CERS4: variants seen among roughly 807,000 people sequenced by gnomAD.
CERS4 encodes ceramide synthase 4.
A neutral mutation model predicts 51.8 loss-of-function variants in CERS4; 65 were observed. The observed-to-expected ratio is 1.26, with a 90% confidence interval of 1.03 to 1.54. The LOEUF (loss-of-function observed/expected upper bound fraction) is 1.54, where lower values mean the gene tolerates loss of function less well. Among genes scored for constraint, CERS4 ranks in the 40% most tolerant of loss-of-function variants. CERS4 has a pLI of 0.00. For synonymous variants in CERS4, 228 were observed against 208.4 expected, an observed-to-expected ratio of 1.09 and a Z score of -0.81; for missense variants, 563 against 500.4, an observed-to-expected ratio of 1.13 and a Z score of -1.19.
Position 8,210,155 on chromosome 19 carries a change from C to CT in CERS4, c.-158-551_-158-550insT, listed in dbSNP as rs1247674398. Among the ~76,000 whole-genome samples the CT allele has an allele frequency of 7.2e-5, 11 of 152,006 alleles. No individual in the cohort carries two copies. Among genetic ancestry groups the CT allele is most frequent in the Non-Finnish European group, 1.2e-4 (8 of 67,992 alleles). ...GCGAGGAGAGTGTGGAACCCGTTCTCGGGGCGGTGGGGACCAGGGAGGCTT... is the reference window on the plus strand; with the variant it reads ...GCGAGGAGAGTGTGGAACCCGTTCTCTGGGGCGGTGGGGACCAGGGAGGCTT... On this transcript the variant is annotated intron_variant, in intron 1 of 11. Coordinates refer to ENST00000251363, the MANE Select transcript of CERS4 (RefSeq NM_024552.3). This position sits in a 1 kb window ranked among gnomAD's most constrained non-coding sequence, Gnocchi z 4.2.
rs1668904235 is a variant in CERS4, at chr19:8,256,722, T to G, written c.612+12T>G. 1 of 1,610,534 alleles carries G rather than the reference T, an allele frequency of 6.2e-7. No individual in the cohort carries two copies. Among genetic ancestry groups the G allele is most frequent in the African/African-American group, 1.3e-5 (1 of 74,930 alleles). Reference sequence around the variant, plus strand: ...ATGTCAAGCGCAAGGTGAGGCCAAATAAGAGTCTGGAAGACCCAGTCTCTG... The same window carrying G: ...ATGTCAAGCGCAAGGTGAGGCCAAAGAAGAGTCTGGAAGACCCAGTCTCTG... On this transcript the variant is annotated intron_variant, in intron 8 of 11. Transcript: ENST00000251363.
intron 2 of CERS4, among the ~76,000 whole-genome samples, chr19:8,233,625 T>C (rs1968111460): frequency 6.6e-6 from 1 of 152,144 alleles, no homozygotes; most frequent in Non-Finnish European, 1.5e-5. Context: ...TACTTTGCTT[T>C]TATTTTTTTT....
intron 2 of CERS4, among the ~76,000 whole-genome samples, chr19:8,215,405 G>C (rs78370138): frequency 0.05 from 7,639 of 151,912 alleles, 257 homozygotes; most frequent in East Asian, 0.16. Context: ...CTTGAACCAG[G>C]GGGGCGGAGG....
intron 2 of CERS4, among the ~76,000 whole-genome samples, chr19:8,232,577 C>A (rs928894517): frequency 7.9e-5 from 12 of 152,094 alleles, no homozygotes; most frequent in African/African-American, 2.9e-4. Flanking sequence ...TAGGCATGAG[C>A]CACTGTGCCC....
At position 8,254,480 on chromosome 19, in the gene CERS4, C is replaced by T. The variant is rs1472584016; in HGVS notation, c.174-19C>T. The T allele has an allele frequency of 1.9e-6, 3 of 1,611,324 alleles. No individual in the cohort carries two copies. The highest frequency in any genetic ancestry group is 1.1e-5 in the South Asian group (1 of 91,042). The stretch of plus-strand genomic sequence containing the variant: ...ATCTCTTCACCTGGGCTGATAGGCT[C>T]TGTCTCCTTTGCACCCAGATTCATT... On this transcript the variant is annotated intron_variant, in intron 3 of 11. Transcript: ENST00000251363.
chr19:8,228,370 T>TA (rs1040234010), intron 2 of CERS4, among the ~76,000 whole-genome samples: 14 of 152,106 alleles, frequency 9.2e-5, no homozygotes, highest in African/African-American at 3.1e-4. Flanking sequence ...TTACCACAAT[T>TA]AAAAAAAATT....
rs71786313 is a variant in CERS4, at chr19:8,255,772, T to TGGGGC, written c.411-41_411-37dup. The TGGGGC allele has an allele frequency of 1.0e-5, 13 of 1,259,658 alleles. No individual in the cohort carries two copies. The South Asian group carries it at 1.4e-4, about 13-fold the overall frequency. The allele number at this position is 1,259,658 out of a possible 1,614,324, so 78.0% of individuals were successfully genotyped here. On this transcript the variant is annotated intron_variant, in intron 5 of 11. Coordinates refer to ENST00000251363, the MANE Select transcript of CERS4 (RefSeq NM_024552.3). ...TGGGGTGCAGGGAAGCGGGCCGGGG[T>TGGGGC]GGGGCGGGGCGGGTGTCTGCTATTT...
In CERS4 at chr19:8,255,845, C is replaced by T. The variant is rs774795924; in HGVS notation, c.434C>T (p.Ser145Phe). 17 of 1,613,944 alleles carry T rather than the reference C, an allele frequency of 1.1e-5. No homozygotes were observed. Among genetic ancestry groups the T allele is most frequent in the Non-Finnish European group, 1.4e-5 (16 of 1,180,024 alleles). Residue 145 changes from serine to phenylalanine, a missense_variant, in exon 6 of 12, where the codon TCC (serine) becomes TTC (phenylalanine). Coordinates refer to ENST00000251363, the MANE Select transcript of CERS4 (RefSeq NM_024552.3). ...EASWRFLFYLSSFVGGLSVLY... is the reference protein window; with the variant it reads ...EASWRFLFYLFSFVGGLSVLY... ...AGCTGGAGGTTTCTCTTCTACCTGT[C>T]CTCCTTCGTGGGCGGCCTCTCGGTC...
chr19:8,231,781 TG>T (rs1316860199), intron 2 of CERS4, among the ~76,000 whole-genome samples: 1 of 151,544 alleles, frequency 6.6e-6, no homozygotes, highest in Non-Finnish European at 1.5e-5. Context: ...CTCGATTTCC[TG>T]ACCTCGTGAT....
At chr19:8,232,437 C>T (rs543149855) in intron 2 of CERS4, among the ~76,000 whole-genome samples, 19 of 151,990 alleles carry the variant, frequency 1.3e-4, no homozygotes, top group East Asian at 7.7e-4. Context: ...ATTACAGGCA[C>T]GTGCCACCAC....
intron 2 of CERS4, among the ~76,000 whole-genome samples, chr19:8,226,672 G>A (rs934830825): frequency 6.6e-5 from 10 of 152,124 alleles, no homozygotes; most frequent in East Asian, 1.9e-4. Context: ...TTGGAAGGCC[G>A]ACGTGGGCAG....
intron 2 of CERS4, 31 bp from the exon 3 acceptor site, chr19:8,251,045 C>T (rs1233059653): frequency 1.3e-6 from 2 of 1,550,350 alleles, no homozygotes; most frequent in South Asian, 1.2e-5. Flanking sequence ...TGCTTGCAGA[C>T]CTCCCAGCTA....
intron 10 of CERS4, among the ~76,000 whole-genome samples, chr19:8,260,048 G>C (rs2145339716): frequency 6.6e-6 from 1 of 152,216 alleles, no homozygotes; most frequent in East Asian, 1.9e-4. Flanking sequence ...CGGGGAGCCA[G>C]AGAGGGAAGG....
At chr19:8,240,614 G>GTGTGTGTGTGTGTGTGTGTGTGTGTGTGT (rs148847272) in intron 2 of CERS4, 1 of 152,400 alleles carries the variant, frequency 6.6e-6, no homozygotes, top group African/African-American at 2.4e-5. Context: ...GTGTGTGTGT[G>GTGTGTGTGTGTGTGTGTGTGTGTGTGTGT]TTTTCATCTC....
chr19:8,217,199 G>A (rs1336113009), intron 2 of CERS4, among the ~76,000 whole-genome samples: 1 of 152,060 alleles, frequency 6.6e-6, no homozygotes, highest in Admixed American at 6.6e-5. Context: ...ATTAGGGCTG[G>A]GGCCTGAGTG....
At chr19:8,216,799 C>A (rs1967318821) in intron 2 of CERS4, among the ~76,000 whole-genome samples, 1 of 151,920 alleles carries the variant, frequency 6.6e-6, no homozygotes, top group Non-Finnish European at 1.5e-5. Flanking sequence ...TGGCTGCAGC[C>A]TGAGAGGTTG....
intron 2 of CERS4, among the ~76,000 whole-genome samples, chr19:8,233,181 T>TG (rs528409111): frequency 6.6e-6 from 1 of 151,830 alleles, no homozygotes; most frequent in Non-Finnish European, 1.5e-5. Context: ...AATTTTTTTT[T>TG]GGGGGGCGGA....
intron 6 of CERS4, 135 bp downstream of exon 6, chr19:8,256,014 G>T (rs1427947829): frequency 3.4e-5 from 35 of 1,043,956 alleles, no homozygotes; most frequent in Non-Finnish European, 4.3e-5. Context: ...TTTGCAAGAT[G>T]GTGGTGAATG....
intron 2 of CERS4, among the ~76,000 whole-genome samples, chr19:8,215,625 C>T (rs2145162034): frequency 6.6e-6 from 1 of 152,272 alleles, no homozygotes; most frequent in Non-Finnish European, 1.5e-5. Context: ...CCTCCCCACT[C>T]CCACCACGAA....
Sources: gnomAD v4.1 joint callset for allele counts (sites outside exome capture counted in the v4.1 genomes callset) on GRCh38, gnomAD v4.1.1 for gene constraint, Gnocchi (gnomAD v3.1) non-coding constraint, MANE v1.5 for transcripts, NCBI Gene and HGNC (gene_info 2026-07-23, HGNC 2026-07-21) for gene names.